MYLK: variants seen among roughly 807,000 people sequenced by gnomAD.
The protein encoded by MYLK is myosin light chain kinase, smooth muscle.
MYLK carries 106 observed loss-of-function variants against 203.4 expected under a neutral mutation model. The observed-to-expected ratio is 0.52, with a 90% CI of 0.45 to 0.61. The LOEUF is 0.61. MYLK is among the 20% of genes least tolerant of loss of function. The probability of loss-of-function intolerance (pLI) is 0.00; values close to 1 mark genes in which losing one functional copy is unlikely to be tolerated. For synonymous variants in MYLK, 867 were observed against 959.5 expected (o/e 0.90, Z 1.78); for missense variants, 2,072 against 2,442.3 (o/e 0.85, Z 3.20).
At chr3:123,750,591 C>G (rs1341000566) in intron 5 of MYLK, among the ~76,000 whole-genome samples, 3 of 152,190 alleles carry the variant, frequency 2.0e-5, no homozygotes, top group Non-Finnish European at 4.4e-5. Flanking sequence ...AAAGTCAAAC[C>G]CTTTATCCTG....
intron 4 of MYLK, among the ~76,000 whole-genome samples, chr3:123,782,544 A>G (rs2064340722): frequency 6.6e-6 from 1 of 152,256 alleles, no homozygotes; most frequent in African/African-American, 2.4e-5. Flanking sequence ...TGGGCTCTCC[A>G]GAAATTGTAT....
At chr3:123,717,839 CTTTTTTTTTTTTTTTTTTTT>C (rs10574979) in intron 13 of MYLK, among the ~76,000 whole-genome samples, 1 of 94,992 alleles carries the variant, frequency 1.1e-5, no homozygotes, top group Admixed American at 1.2e-4. Context: ...TTGAGGGACT[CTTTTTTTTTTTTTTTTTTTT>C]TTTTTTTTTT....
rs755776725 is a variant in MYLK, at chr3:123,752,494, C to T, written c.210G>A (p.Gly70=). 4 of 1,614,040 alleles carry T rather than the reference C, an allele frequency of 2.5e-6. No homozygotes were observed. Among genetic ancestry groups the T allele is most frequent in the Non-Finnish European group, 2.5e-6 (3 of 1,180,024 alleles). Residue 70 remains glycine (G), a synonymous_variant, in exon 5 of 34, where the codon GGG becomes GGA. Transcript: ENST00000360304. ...AGCGGCCCCCGCTGGTGATGGGTTG[C>T]CCGTTTCTGTGCCATGTCACCTGGG... ...PEPQVTWHRN[G]QPITSGGRFL... is the part of the protein sequence containing the mutation.
At chr3:123,689,755 A>G (rs2060591282) in intron 19 of MYLK, 4 of 152,178 alleles carry the variant, frequency 2.6e-5, no homozygotes, top group African/African-American at 9.7e-5. Context: ...TCTAGGTTTT[A>G]GCTCCCTTCT....
intron 16 of MYLK, among the ~76,000 whole-genome samples, chr3:123,703,064 G>C (rs2061311442): frequency 6.6e-6 from 1 of 152,234 alleles, no homozygotes; most frequent in African/African-American, 2.4e-5. Context: ...CTGGAGGTCT[G>C]TGTTTGGGAA....
At chr3:123,805,585 A>C (rs2065340678) in intron 3 of MYLK, among the ~76,000 whole-genome samples, 1 of 152,236 alleles carries the variant, frequency 6.6e-6, no homozygotes. Flanking sequence ...GCTGTATCAT[A>C]AACACAGCTG....
At chr3:123,723,403 C>A (rs2062162534) in intron 12 of MYLK, among the ~76,000 whole-genome samples, 1 of 152,178 alleles carries the variant, frequency 6.6e-6, no homozygotes, top group Non-Finnish European at 1.5e-5. Flanking sequence ...AAGGCAGGGG[C>A]CTGGATCCTG....
At chr3:123,787,942 T>C (rs1411034373) in intron 4 of MYLK, among the ~76,000 whole-genome samples, 1 of 152,068 alleles carries the variant, frequency 6.6e-6, no homozygotes, top group Non-Finnish European at 1.5e-5. Context: ...AGCAGGACCA[T>C]CACCAAAATA....
Position 123,629,352 on chromosome 3 carries a change from T to C in MYLK, c.5114+122A>G. 1 of 1,229,008 alleles carries C rather than the reference T, an allele frequency of 8.1e-7. No homozygotes were observed. The highest frequency in any genetic ancestry group is 2.5e-4 in the Middle Eastern group (1 of 4,064). 76.1% of individuals were successfully genotyped at this position (1,229,008 alleles called of 1,614,324 possible). The stretch of plus-strand genomic sequence containing the variant: ...TGCCCACCCTCCCTTCCTCAGGGAA[T>C]GCTAGGAACGACCCAAGGCGGGGTG... On this transcript the variant is annotated intron_variant, in intron 30 of 33. Coordinates refer to ENST00000360304, the MANE Select transcript of MYLK (RefSeq NM_053025.4). This position sits in a 1 kb window ranked among gnomAD's most constrained non-coding sequence, Gnocchi z 4.4.
chr3:123,665,779 C>T (rs559137997), intron 22 of MYLK, among the ~76,000 whole-genome samples: 1 of 152,364 alleles, frequency 6.6e-6, no homozygotes, highest in Non-Finnish European at 1.5e-5. Context: ...CAAATACTCA[C>T]ATTTGCTTTT....
In MYLK at chr3:123,776,701, A is replaced by C. The variant is rs1428544989; in HGVS notation, c.165+16976T>G. ...TAGTTATGACTAAAAGTTACTGAGCACTTATATTACATATGCAGCAAAGAT... is the reference window on the plus strand; with the variant it reads ...TAGTTATGACTAAAAGTTACTGAGCCCTTATATTACATATGCAGCAAAGAT... On this transcript the variant is annotated intron_variant, in intron 4 of 33. Coordinates refer to ENST00000360304, the MANE Select transcript of MYLK (RefSeq NM_053025.4). Among the ~76,000 whole-genome samples the C allele has an allele frequency of 3.3e-5, 5 of 152,358 alleles. No homozygotes were observed. In the South Asian group the frequency reaches 1.0e-3, roughly 32 times the overall value.
chr3:123,820,825 G>A (rs2065911163), intron 3 of MYLK, among the ~76,000 whole-genome samples: 1 of 152,072 alleles, frequency 6.6e-6, no homozygotes, highest in South Asian at 2.1e-4. Context: ...CCAGGTTCAG[G>A]CAATTCTCCT....
intron 4 of MYLK, among the ~76,000 whole-genome samples, chr3:123,782,275 G>T (rs1165913872): frequency 1.3e-5 from 2 of 152,330 alleles, no homozygotes; most frequent in East Asian, 1.9e-4. Flanking sequence ...GAAATGGAAA[G>T]AAATGCAATG....
intron 3 of MYLK, among the ~76,000 whole-genome samples, chr3:123,801,178 T>C (rs189507339): frequency 3.1e-4 from 47 of 152,374 alleles, no homozygotes; most frequent in Admixed American, 2.7e-3. Flanking sequence ...AACTCCACTG[T>C]ACGCTTGAAA....
intron 18 of MYLK, among the ~76,000 whole-genome samples, chr3:123,694,374 T>C (rs2060818319): frequency 6.6e-6 from 1 of 152,126 alleles, no homozygotes; most frequent in African/African-American, 2.4e-5. Context: ...AGGAAGTCTG[T>C]CATAAGAGTA....
At chr3:123,815,070 G>A (rs1055341094) in intron 3 of MYLK, among the ~76,000 whole-genome samples, 1 of 152,136 alleles carries the variant, frequency 6.6e-6, no homozygotes, top group African/African-American at 2.4e-5. Context: ...TGGGATTACA[G>A]GCATGAGCCA....
chr3:123,704,870 A>C (rs1426357626), intron 16 of MYLK, among the ~76,000 whole-genome samples: 1 of 152,138 alleles, frequency 6.6e-6, no homozygotes, highest in African/African-American at 2.4e-5. Context: ...CAGTGAGCCA[A>C]GATCGTGCCA....
chr3:123,748,260 C>T (rs773558201), intron 5 of MYLK, among the ~76,000 whole-genome samples: 2 of 152,228 alleles, frequency 1.3e-5, no homozygotes, highest in Non-Finnish European at 2.9e-5. Flanking sequence ...ATTCACACAT[C>T]ACCAAGGGGA....
At chr3:123,745,457 A>G (rs2062986591) in intron 5 of MYLK, among the ~76,000 whole-genome samples, 1 of 152,202 alleles carries the variant, frequency 6.6e-6, no homozygotes, top group African/African-American at 2.4e-5. Flanking sequence ...AAAAGTCAAA[A>G]CTAAAGGTCA....
Sources: allele counts gnomAD v4.1 joint callset (sites outside exome capture counted in the v4.1 genomes callset), GRCh38; gene constraint gnomAD v4.1.1; non-coding constraint Gnocchi (gnomAD v3.1); transcripts MANE v1.5; gene names NCBI Gene and HGNC (gene_info 2026-07-23, HGNC 2026-07-21).